VPS13B: variants seen among roughly 807,000 people sequenced by gnomAD.
VPS13B encodes intermembrane lipid transfer protein VPS13B.
In VPS13B, 285 loss-of-function variants were observed where a neutral mutation model predicts 426.4. The ratio of observed to expected loss-of-function variants is 0.67; its 90% confidence interval spans 0.61 to 0.74. VPS13B has a LOEUF of 0.74. Among genes scored for constraint, VPS13B ranks in the 30% least tolerant of loss-of-function variants. The pLI is 0.00. For missense variants in VPS13B, 4,537 were observed against 4,782.6 expected (o/e 0.95, Z 1.51); for synonymous variants, 1,676 against 1,676.4 (o/e 1.00, Z 0.01).
chr8:99,478,447 GTTTTT>G (rs56261645), intron 24 of VPS13B, among the ~76,000 whole-genome samples: 1 of 85,778 alleles, frequency 1.2e-5, no homozygotes, highest in Non-Finnish European at 2.1e-5. Flanking sequence ...TTTTTGTTTT[GTTTTT>G]TTTTTTTTTT....
intron 43 of VPS13B, among the ~76,000 whole-genome samples, chr8:99,806,552 A>C (rs181519378): frequency 6.6e-6 from 1 of 152,286 alleles, no homozygotes; most frequent in African/African-American, 2.4e-5. Context: ...TGTGGGGCAA[A>C]GAACATATCT....
intron 44 of VPS13B, among the ~76,000 whole-genome samples, chr8:99,816,138 T>C (rs1342498761): frequency 6.6e-6 from 1 of 151,932 alleles, no homozygotes; most frequent in Non-Finnish European, 1.5e-5. Flanking sequence ...GTTTTACTCT[T>C]GTTGCCCAGG....
At chr8:99,529,402 T>G (rs1822814855) in intron 30 of VPS13B, among the ~76,000 whole-genome samples, 1 of 152,226 alleles carries the variant, frequency 6.6e-6, no homozygotes, top group Admixed American at 6.5e-5. Flanking sequence ...GACCTGTTTT[T>G]GAGCTGTTTT....
intron 22 of VPS13B, among the ~76,000 whole-genome samples, chr8:99,436,793 C>CAGTG (rs1299035970): frequency 1.3e-5 from 2 of 152,042 alleles, no homozygotes; most frequent in Non-Finnish European, 2.9e-5. Flanking sequence ...GGCTGGAGTG[C>CAGTG]AGTGGTGTGA....
chr8:99,289,201 A>C (rs556064020), intron 19 of VPS13B, among the ~76,000 whole-genome samples: 1 of 152,292 alleles, frequency 6.6e-6, no homozygotes, highest in East Asian at 1.9e-4. Context: ...AACTAATGGA[A>C]GTTAATACTC....
intron 19 of VPS13B, among the ~76,000 whole-genome samples, chr8:99,356,997 C>T (rs925114561): frequency 6.6e-6 from 1 of 152,024 alleles, no homozygotes; most frequent in Non-Finnish European, 1.5e-5. Context: ...TTACTAGAAA[C>T]ATAGATATAT....
chr8:99,757,347 A>T (rs551288968), intron 39 of VPS13B, among the ~76,000 whole-genome samples: 23 of 152,044 alleles, frequency 1.5e-4, no homozygotes, highest in African/African-American at 5.5e-4. Context: ...CAGTTGCTAG[A>T]TCTCCCCTCT....
chr8:99,547,221 CA>C (rs753020317), intron 30 of VPS13B, among the ~76,000 whole-genome samples: 1 of 152,128 alleles, frequency 6.6e-6, no homozygotes, highest in East Asian at 1.9e-4. Context: ...ATATTTTGAA[CA>C]AACTCCCTGG....
chr8:99,258,783 G>A (rs1289398372), intron 17 of VPS13B, among the ~76,000 whole-genome samples: 2 of 152,000 alleles, frequency 1.3e-5, no homozygotes, highest in South Asian at 4.1e-4. Flanking sequence ...GGCTTTTAGA[G>A]ATAAAAGCAA....
intron 35 of VPS13B, among the ~76,000 whole-genome samples, chr8:99,663,268 T>G (rs1227806726): frequency 6.6e-6 from 1 of 152,226 alleles, no homozygotes; most frequent in African/African-American, 2.4e-5. Context: ...CCATCTCCAC[T>G]GACTTTGTCA....
intron 55 of VPS13B, among the ~76,000 whole-genome samples, chr8:99,850,322 T>TA (rs199677791): frequency 7.5e-6 from 1 of 132,662 alleles, no homozygotes; most frequent in African/African-American, 3.1e-5. Context: ...TATACATACA[T>TA]AAGTACGCAT....
intron 39 of VPS13B, among the ~76,000 whole-genome samples, chr8:99,758,447 G>A (rs1046749666): frequency 6.6e-6 from 1 of 152,156 alleles, no homozygotes; most frequent in African/African-American, 2.4e-5. Flanking sequence ...AAAGAAGGTA[G>A]CATGGTTATT....
intron 35 of VPS13B, chr8:99,696,705 A>G: frequency 1.2e-6 from 1 of 846,532 alleles, no homozygotes; most frequent in Non-Finnish European, 2.1e-6. Context: ...GGGCAGTGCC[A>G]CCAGACTTCT....
chr8:99,333,780 A>C (rs1278594791), intron 19 of VPS13B, among the ~76,000 whole-genome samples: 1 of 151,896 alleles, frequency 6.6e-6, no homozygotes, highest in Non-Finnish European at 1.5e-5. Context: ...GTAATATATA[A>C]CCTTTCTGGG....
chr8:99,020,448 A>G (rs1005623442), intron 2 of VPS13B, among the ~76,000 whole-genome samples: 1 of 152,142 alleles, frequency 6.6e-6, no homozygotes, highest in African/African-American at 2.4e-5. Flanking sequence ...ATCTTACTCT[A>G]TAATAGTGTC....
chr8:99,508,681 A>G (rs894197892), intron 28 of VPS13B, among the ~76,000 whole-genome samples: 3 of 152,112 alleles, frequency 2.0e-5, no homozygotes, highest in African/African-American at 7.2e-5. Context: ...TAATAATTTT[A>G]ACAAATATTC....
Position 99,233,272 on chromosome 8 carries a change from C to T in VPS13B, c.2515+40215C>T, listed in dbSNP as rs1313894020. The T allele has an allele frequency of 6.0e-6, 7 of 1,168,616 alleles. No individual in the cohort carries two copies. In the African/African-American group the frequency reaches 7.5e-5, roughly 13 times the overall value. The allele number at this position is 1,168,616 out of a possible 1,614,324, so 72.4% of individuals were successfully genotyped here. A position where few individuals can be genotyped will look rare whatever the true frequency, so the allele number is the denominator to read the frequency against. On this transcript the variant is annotated intron_variant, in intron 17 of 61. Coordinates refer to ENST00000357162, the MANE Select transcript of VPS13B (RefSeq NM_152564.5). Reference sequence around the variant, plus strand: ...TTCATTCACAGTCTTGCCACCTTTGCCAATCACCCGGCCAGCTGTGGAAGA... The same window carrying T: ...TTCATTCACAGTCTTGCCACCTTTGTCAATCACCCGGCCAGCTGTGGAAGA...
At chr8:99,501,945 T>C (rs757001711) in intron 26 of VPS13B, 87 bp downstream of exon 26, 2 of 1,321,950 alleles carry the variant, frequency 1.5e-6, no homozygotes, top group Non-Finnish European at 2.1e-6. Flanking sequence ...CCTTCCTTTC[T>C]TTTCTGTCTG....
At chr8:99,496,073 T>C (rs772495322) in intron 25 of VPS13B, among the ~76,000 whole-genome samples, 8 of 152,176 alleles carry the variant, frequency 5.3e-5, no homozygotes, top group Non-Finnish European at 1.0e-4. Context: ...AGCCCATAGT[T>C]GGATTACCGT....
Sources: allele counts gnomAD v4.1 joint callset (sites outside exome capture counted in the v4.1 genomes callset), GRCh38; gene constraint gnomAD v4.1.1; transcripts MANE v1.5; gene names NCBI Gene and HGNC (gene_info 2026-07-23, HGNC 2026-07-21).